The following DLGAP3 variants were observed in gnomAD, a reference collection of about 807,000 sequenced individuals.
DLGAP3 encodes disks large-associated protein 3.
Under a neutral mutation model 81.2 loss-of-function variants are expected in DLGAP3, and 17 were observed. The observed-to-expected ratio is 0.21, with a 90% confidence interval of 0.14 to 0.31. The LOEUF (loss-of-function observed/expected upper bound fraction) is 0.31, where lower values mean the gene tolerates loss of function less well. DLGAP3 is among the 10% of genes least tolerant of loss of function. The pLI, the probability that DLGAP3 is intolerant of heterozygous loss-of-function variation, is 1.00. For synonymous variants in DLGAP3, 577 were observed against 587.4 expected, an observed-to-expected ratio of 0.98 and a Z score of 0.26; for missense variants, 1,124 against 1,388.0, an observed-to-expected ratio of 0.81 and a Z score of 3.02.
intron 5 of DLGAP3, among the ~76,000 whole-genome samples, chr1:34,898,874 T>C (rs1639413934): frequency 6.6e-6 from 1 of 152,188 alleles, no homozygotes; most frequent in Non-Finnish European, 1.5e-5. Flanking sequence ...GTACCTTGTG[T>C]TTGCATACAT....
At chr1:34,879,619 A>G (rs980295067) in intron 8 of DLGAP3, among the ~76,000 whole-genome samples, 6 of 152,194 alleles carry the variant, frequency 3.9e-5, no homozygotes, top group Admixed American at 1.3e-4. Flanking sequence ...ATATGACCAC[A>G]ATGTAGCAAA....
chr1:34,904,127 G>C lies in DLGAP3; in HGVS notation c.1107+150C>G. The C allele has an allele frequency of 1.1e-6, 1 of 912,534 alleles. No homozygotes were observed. The highest frequency in any genetic ancestry group is 1.8e-6 in the Non-Finnish European group (1 of 570,868). 56.5% of individuals were successfully genotyped at this position (912,534 alleles called of 1,614,324 possible). On this transcript the variant is annotated intron_variant, in intron 3 of 11. Coordinates refer to ENST00000373347, the MANE Select transcript of DLGAP3 (RefSeq NM_001080418.3). The surrounding 1 kb of genome is among the most constrained non-coding windows in gnomAD (Gnocchi z 8.1). ...AAGTGAAGCCCCAAAGGAGCTCAGA[G>C]TGACCCAATGGGGCAGGGCAGAGCC...
At chr1:34,923,748 G>T (rs568596129) in intron 1 of DLGAP3, among the ~76,000 whole-genome samples, 7 of 152,212 alleles carry the variant, frequency 4.6e-5, no homozygotes, top group African/African-American at 1.7e-4. Context: ...CTCCTCCCAA[G>T]CAGCTAGAGA....
chr1:34,866,320 C>G lies in DLGAP3; in HGVS notation c.2722-19G>C, dbSNP rs990310573. The G allele has an allele frequency of 2.7e-6, 4 of 1,499,140 alleles. No individual in the cohort carries two copies. The highest frequency in any genetic ancestry group is 2.7e-6 in the Non-Finnish European group (3 of 1,122,738). The allele number at this position is 1,499,140 out of a possible 1,614,324, so 92.9% of individuals were successfully genotyped here. ...TCTCCTCCTGCGGGGCAGAGGGCGTCGCTGAGCTGGGGCGCCGAACCATCC... is the reference window on the plus strand; with the variant it reads ...TCTCCTCCTGCGGGGCAGAGGGCGTGGCTGAGCTGGGGCGCCGAACCATCC... On this transcript the variant is annotated intron_variant, in intron 11 of 11. Coordinates refer to ENST00000373347, the MANE Select transcript of DLGAP3 (RefSeq NM_001080418.3).
In DLGAP3 at chr1:34,866,002, C is replaced by A. The variant is rs1200248092; in HGVS notation, c.*81G>T. The A allele has an allele frequency of 1.6e-6, 2 of 1,261,034 alleles. No individual in the cohort carries two copies. Among genetic ancestry groups the A allele is most frequent in the African/African-American group, 3.0e-5 (2 of 66,442 alleles). The allele number at this position is 1,261,034 out of a possible 1,614,324, so 78.1% of individuals were successfully genotyped here. On this transcript the variant is annotated 3_prime_UTR_variant, in exon 12 of 12. Coordinates refer to ENST00000373347, the MANE Select transcript of DLGAP3 (RefSeq NM_001080418.3). ...TGGGGCGGGCGCACGGGGCGGCCCG[C>A]GTTCACAGTGACCTCGACGCTGGGT...
intron 4 of DLGAP3, 24 bp from the exon 5 acceptor site, chr1:34,899,765 G>A: frequency 6.2e-7 from 1 of 1,609,148 alleles, no homozygotes; most frequent in Non-Finnish European, 8.5e-7. Flanking sequence ...AAATTCCGGA[G>A]TCAGAACAGT....
At chr1:34,920,004 G>A (rs776614865) in intron 1 of DLGAP3, among the ~76,000 whole-genome samples, 1 of 152,160 alleles carries the variant, frequency 6.6e-6, no homozygotes, top group African/African-American at 2.4e-5. Context: ...AGGAGAAGAA[G>A]GGAAGAGGTT....
chr1:34,894,801 T>C (rs372216766), intron 5 of DLGAP3, among the ~76,000 whole-genome samples: 3 of 152,248 alleles, frequency 2.0e-5, no homozygotes, highest in East Asian at 3.9e-4. Flanking sequence ...TGTGAGTACA[T>C]ACAATCAAGA....
intron 8 of DLGAP3, among the ~76,000 whole-genome samples, chr1:34,878,345 T>A (rs2148397636): frequency 6.6e-6 from 1 of 151,454 alleles, no homozygotes; most frequent in African/African-American, 2.4e-5. Context: ...GCAACACATC[T>A]AAAACATAAG....
At chr1:34,928,730 C>T (rs949873426) in intron 1 of DLGAP3, among the ~76,000 whole-genome samples, 1 of 151,856 alleles carries the variant, frequency 6.6e-6, no homozygotes, top group Non-Finnish European at 1.5e-5. Context: ...CGCGCGCACA[C>T]GCACACACAC....
intron 1 of DLGAP3, among the ~76,000 whole-genome samples, chr1:34,913,328 C>T (rs545373432): frequency 1.3e-5 from 2 of 152,280 alleles, no homozygotes; most frequent in African/African-American, 4.8e-5. Context: ...GGACGGTGCT[C>T]GGCCTGTGAA....
chr1:34,894,274 A>AAC (rs2148406783), intron 5 of DLGAP3, among the ~76,000 whole-genome samples: 1 of 152,048 alleles, frequency 6.6e-6, no homozygotes. Context: ...CAAAAAAAAA[A>AAC]AAAAAACCAT....
At chr1:34,920,827 T>C (rs28613822) in intron 1 of DLGAP3, among the ~76,000 whole-genome samples, 5,395 of 152,290 alleles carry the variant, frequency 0.035, 282 homozygotes, top group African/African-American at 0.12. Context: ...CCCATGCTCA[T>C]GAAGTTTATA....
chr1:34,893,210 C>T (rs1041393636), intron 5 of DLGAP3, among the ~76,000 whole-genome samples: 1 of 149,168 alleles, frequency 6.7e-6, no homozygotes, highest in African/African-American at 2.5e-5. Context: ...CAATGAACAC[C>T]AGAAGGCAGT....
Position 34,865,853 on chromosome 1 carries a change from G to C in DLGAP3, c.*230C>G, listed in dbSNP as rs1370349224. The C allele has an allele frequency of 2.2e-5, 14 of 643,082 alleles. No homozygotes were observed. Among genetic ancestry groups the C allele is most frequent in the Non-Finnish European group, 3.1e-5 (11 of 359,192 alleles). 39.8% of individuals were successfully genotyped at this position (643,082 alleles called of 1,614,324 possible). A position where few individuals can be genotyped will look rare whatever the true frequency, so the allele number is the denominator to read the frequency against. On this transcript the variant is annotated 3_prime_UTR_variant, in exon 12 of 12. Coordinates refer to ENST00000373347, the MANE Select transcript of DLGAP3 (RefSeq NM_001080418.3). Reference sequence around the variant, plus strand: ...TCGGACCAGGTGGGCAGGGGATCCAGGTGAGGGGCGCAGGGCGGAGAGGCA... The same window carrying C: ...TCGGACCAGGTGGGCAGGGGATCCACGTGAGGGGCGCAGGGCGGAGAGGCA...
chr1:34,888,996 A>G (rs1178313261), intron 5 of DLGAP3, among the ~76,000 whole-genome samples: 1 of 152,210 alleles, frequency 6.6e-6, no homozygotes, highest in African/African-American at 2.4e-5. Flanking sequence ...CAGGGATGAA[A>G]GGAATCTCAC....
chr1:34,906,034 T>TATATATATA (rs1557492434), intron 2 of DLGAP3, among the ~76,000 whole-genome samples: 1 of 39,142 alleles, frequency 2.6e-5, no homozygotes, highest in East Asian at 3.2e-3. Context: ...ATATATATAT[T>TATATATATA]TGTTTGTTTT....
chr1:34,891,077 C>G (rs11264155), intron 5 of DLGAP3, among the ~76,000 whole-genome samples: 69,827 of 151,930 alleles, frequency 0.46, 16,678 homozygotes, highest in African/African-American at 0.53. Context: ...AAATACGACT[C>G]TAAAGCAGGA....
In DLGAP3 at chr1:34,868,074, G is replaced by A. The variant is rs1458625731; in HGVS notation, c.2486-447C>T. Among the ~76,000 whole-genome samples, 1 of 152,146 alleles carries A rather than the reference G, an allele frequency of 6.6e-6. No individual in the cohort carries two copies. Among genetic ancestry groups the A allele is most frequent in the Non-Finnish European group, 1.5e-5 (1 of 68,028 alleles). Reference sequence around the variant, plus strand: ...TACATAACACATCTTCATAGCCACTGTCCCCTCAACTCAGAGATTCTGGGG... The same window carrying A: ...TACATAACACATCTTCATAGCCACTATCCCCTCAACTCAGAGATTCTGGGG... On this transcript the variant is annotated intron_variant, in intron 9 of 11. Transcript: ENST00000373347. The surrounding 1 kb of genome is among the most constrained non-coding windows in gnomAD (Gnocchi z 7.5).
Sources: allele counts gnomAD v4.1 joint callset (sites outside exome capture counted in the v4.1 genomes callset), GRCh38; gene constraint gnomAD v4.1.1; non-coding constraint Gnocchi (gnomAD v3.1); transcripts MANE v1.5; gene names NCBI Gene and HGNC (gene_info 2026-07-23, HGNC 2026-07-21).